The following GPC5 variants were observed in gnomAD, a reference collection of about 807,000 sequenced individuals.
GPC5 encodes the protein glypican-5.
GPC5 carries 47 observed loss-of-function variants against 53.9 expected under a neutral mutation model. That is an observed-to-expected ratio of 0.87 (90% CI 0.69 to 1.11). GPC5 has a LOEUF of 1.11. Ranked by LOEUF, GPC5 falls within the 50% of genes most tolerant of loss-of-function variation. The pLI, the probability that GPC5 is intolerant of heterozygous loss-of-function variation, is 0.00. For missense variants in GPC5, 748 were observed against 713.1 expected, an observed-to-expected ratio of 1.05 and a Z score of -0.56; for synonymous variants, 286 against 263.3, an observed-to-expected ratio of 1.09 and a Z score of -0.84.
intron 7 of GPC5, among the ~76,000 whole-genome samples, chr13:92,529,039 T>C (rs1438666830): frequency 1.3e-5 from 2 of 152,144 alleles, no homozygotes; most frequent in Non-Finnish European, 2.9e-5. Context: ...AATTATTATC[T>C]GCCAATTATA....
At chr13:91,892,495 T>C (rs2039397331) in intron 5 of GPC5, among the ~76,000 whole-genome samples, 1 of 151,796 alleles carries the variant, frequency 6.6e-6, no homozygotes, top group Admixed American at 6.6e-5. Flanking sequence ...CATTTCATTT[T>C]TGATACACTT....
intron 7 of GPC5, among the ~76,000 whole-genome samples, chr13:92,375,240 C>T (rs1012342446): frequency 6.6e-6 from 1 of 152,122 alleles, no homozygotes; most frequent in East Asian, 1.9e-4. Context: ...GTCTTCATTG[C>T]AAACTTTACA....
chr13:92,024,780 C>T (rs1156589926), intron 6 of GPC5, among the ~76,000 whole-genome samples: 3 of 152,120 alleles, frequency 2.0e-5, no homozygotes, highest in African/African-American at 7.2e-5. Context: ...ATTTAATCTG[C>T]TGTAATACAC....
chr13:91,630,236 T>G (rs7992653), intron 2 of GPC5, among the ~76,000 whole-genome samples: 10,402 of 152,218 alleles, frequency 0.068, 483 homozygotes, highest in South Asian at 0.23. Context: ...TAACTTCTAC[T>G]GAGATTTTAA....
intron 1 of GPC5, among the ~76,000 whole-genome samples, chr13:91,447,449 TTTATGCTTC>T (rs1275736420): frequency 3.3e-5 from 5 of 152,154 alleles, no homozygotes; most frequent in Non-Finnish European, 5.9e-5. Context: ...TTACGAATAT[TTTATGCTTC>T]TTAGCCTTTG....
At chr13:92,095,565 C>T (rs981793410) in intron 6 of GPC5, among the ~76,000 whole-genome samples, 7 of 152,008 alleles carry the variant, frequency 4.6e-5, no homozygotes, top group African/African-American at 1.4e-4. Flanking sequence ...GACAGAGTCT[C>T]CCTCTGTCGC....
intron 7 of GPC5, among the ~76,000 whole-genome samples, chr13:92,212,366 G>T (rs2042381535): frequency 6.6e-6 from 1 of 152,236 alleles, no homozygotes; most frequent in East Asian, 1.9e-4. Context: ...TTTATTTACA[G>T]TATATTTTTT....
In GPC5 at chr13:91,613,791, G is replaced by A. The variant is rs536345927; in HGVS notation, c.326-79396G>A. Among the ~76,000 whole-genome samples the A allele has an allele frequency of 1.7e-3, 263 of 152,236 alleles. 3 individuals are homozygous for A. Among genetic ancestry groups the A allele is most frequent in the African/African-American group, 6.0e-3 (248 of 41,538 alleles). ...TAGATGGAATTGGAAAAATTTGAGC[G>A]CAAATTATCACCATATTCATGGTTA... On this transcript the variant is annotated intron_variant, in intron 2 of 7. Coordinates refer to ENST00000377067, the MANE Select transcript of GPC5 (RefSeq NM_004466.6).
At chr13:91,436,376 G>A (rs1879960259) in intron 1 of GPC5, among the ~76,000 whole-genome samples, 1 of 151,606 alleles carries the variant, frequency 6.6e-6, no homozygotes, top group African/African-American at 2.4e-5. Flanking sequence ...CAGAGATTCT[G>A]GTATGTTGTG....
chr13:92,387,770 A>G (rs551957403), intron 7 of GPC5, among the ~76,000 whole-genome samples: 43 of 152,304 alleles, frequency 2.8e-4, no homozygotes, highest in African/African-American at 1.0e-3. Context: ...CAAGTTAATT[A>G]ACCTATTTAA....
chr13:92,529,712 C>G (rs554816522), intron 7 of GPC5, among the ~76,000 whole-genome samples: 1 of 152,260 alleles, frequency 6.6e-6, no homozygotes, highest in South Asian at 2.1e-4. Context: ...TAGAATTTTA[C>G]AAATACAACA....
intron 7 of GPC5, among the ~76,000 whole-genome samples, chr13:92,668,941 A>G (rs944446415): frequency 2.0e-5 from 3 of 152,116 alleles, no homozygotes; most frequent in Non-Finnish European, 4.4e-5. Context: ...AAATGAAACC[A>G]TTTGTTAATT....
At chr13:92,249,892 G>C (rs1343785711) in intron 7 of GPC5, among the ~76,000 whole-genome samples, 2 of 151,924 alleles carry the variant, frequency 1.3e-5, no homozygotes, top group Non-Finnish European at 2.9e-5. Flanking sequence ...TTAGTTTCCG[G>C]TACAATGACT....
intron 7 of GPC5, among the ~76,000 whole-genome samples, chr13:92,757,395 C>T (rs965118722): frequency 3.9e-5 from 6 of 152,136 alleles, no homozygotes; most frequent in Non-Finnish European, 8.8e-5. Flanking sequence ...AAAACCTAGG[C>T]AATACCATTC....
chr13:92,793,928 G>C (rs1329977874), intron 7 of GPC5, among the ~76,000 whole-genome samples: 1 of 152,098 alleles, frequency 6.6e-6, no homozygotes, highest in Non-Finnish European at 1.5e-5. Context: ...GGACCAGACG[G>C]ATTCACAGCT....
At chr13:92,671,885 G>C (rs1426878470) in intron 7 of GPC5, among the ~76,000 whole-genome samples, 1 of 152,160 alleles carries the variant, frequency 6.6e-6, no homozygotes, top group African/African-American at 2.4e-5. Flanking sequence ...ATTAGAAATG[G>C]AAGACATTGG....
chr13:92,557,758 G>C (rs1306196120), intron 7 of GPC5, among the ~76,000 whole-genome samples: 1 of 151,716 alleles, frequency 6.6e-6, no homozygotes, highest in Non-Finnish European at 1.5e-5. Flanking sequence ...ATTGGCTCAG[G>C]AATCAACTCC....
intron 6 of GPC5, among the ~76,000 whole-genome samples, chr13:92,086,595 A>G (rs569692741): frequency 1.3e-5 from 2 of 152,054 alleles, no homozygotes; most frequent in South Asian, 2.1e-4. Flanking sequence ...GATCTCCTGT[A>G]GAACACTTTT....
chr13:92,113,432 GTC>G (rs1183665355), intron 6 of GPC5, among the ~76,000 whole-genome samples: 6 of 152,096 alleles, frequency 3.9e-5, no homozygotes, highest in Non-Finnish European at 8.8e-5. Flanking sequence ...TAAAGCTAAT[GTC>G]TCTTTGTTGA....
Sources: gnomAD v4.1 joint callset for allele counts (sites outside exome capture counted in the v4.1 genomes callset) on GRCh38, gnomAD v4.1.1 for gene constraint, MANE v1.5 for transcripts, NCBI Gene and HGNC (gene_info 2026-07-23, HGNC 2026-07-21) for gene names.